Variants in PRKG1 observed in about 807,000 individuals in gnomAD.
PRKG1 encodes the protein cGMP-dependent protein kinase 1.
PRKG1 carries 35 observed loss-of-function variants against 88.1 expected under a neutral mutation model. The observed-to-expected ratio is 0.40, with a 90% CI of 0.30 to 0.53. The LOEUF is 0.53. Ranked by LOEUF, PRKG1 falls within the 20% of genes least tolerant of loss-of-function variation. The pLI, the probability that PRKG1 is intolerant of heterozygous loss-of-function variation, is 0.59. For missense variants in PRKG1, 540 were observed against 839.8 expected (o/e 0.64, Z 4.41); for synonymous variants, 303 against 292.5 (o/e 1.04, Z -0.37).
chr10:51,304,569 C>G (rs995706698), intron 2 of PRKG1, among the ~76,000 whole-genome samples: 1 of 151,286 alleles, frequency 6.6e-6, no homozygotes, highest in Admixed American at 6.6e-5. Flanking sequence ...TGCCATGCTG[C>G]TGTGCTGTAC....
At chr10:51,284,872 T>TA (rs1840396450) in intron 2 of PRKG1, among the ~76,000 whole-genome samples, 3 of 145,578 alleles carry the variant, frequency 2.1e-5, no homozygotes, top group Non-Finnish European at 3.1e-5. Context: ...GTACTTTTTT[T>TA]TTTTTTTTTT....
At chr10:51,430,083 A>G (rs2132723614) in intron 2 of PRKG1, among the ~76,000 whole-genome samples, 1 of 151,652 alleles carries the variant, frequency 6.6e-6, no homozygotes, top group African/African-American at 2.4e-5. Context: ...TAAACAAATT[A>G]TTGAAAGCCA....
intron 1 of PRKG1, among the ~76,000 whole-genome samples, chr10:51,111,588 C>G (rs1427507538): frequency 6.6e-6 from 1 of 152,090 alleles, no homozygotes; most frequent in East Asian, 1.9e-4. Context: ...TGAGTTGATA[C>G]TGAATGGTGG....
rs138128488 is a variant in PRKG1 at position 52,064,265 on chromosome 10, G to A, written c.935+1634G>A. ...CCCAGAGGGGGGTGAGTTGTCAGGG[G>A]ACTGGCATGCCAGCACTGCCCTGAG... On this transcript the variant is annotated intron_variant, in intron 7 of 17. Coordinates refer to ENST00000373980, the MANE Select transcript of PRKG1 (RefSeq NM_006258.4). Among the ~76,000 whole-genome samples the A allele has an allele frequency of 2.6e-4, 39 of 152,328 alleles. No individual in the cohort carries two copies. The East Asian group carries it at 7.5e-3, about 29-fold the overall frequency.
chr10:51,615,228 A>T (rs189226877), intron 3 of PRKG1, among the ~76,000 whole-genome samples: 1 of 152,006 alleles, frequency 6.6e-6, no homozygotes, highest in Non-Finnish European at 1.5e-5. Flanking sequence ...TAAGGCATTG[A>T]TGCTTTACTC....
intron 1 of PRKG1, among the ~76,000 whole-genome samples, chr10:51,025,960 G>A (rs1026794781): frequency 6.6e-6 from 1 of 152,146 alleles, no homozygotes; most frequent in Admixed American, 6.6e-5. Context: ...GCTGGAGTAG[G>A]ATGGGCCCCT....
At chr10:51,256,687 A>T (rs750403964) in intron 2 of PRKG1, among the ~76,000 whole-genome samples, 20 of 152,144 alleles carry the variant, frequency 1.3e-4, no homozygotes, top group Non-Finnish European at 2.4e-4. Flanking sequence ...ATCCAGGAAG[A>T]TGCACTAAGA....
At chr10:51,085,073 A>G (rs1376024376) in intron 1 of PRKG1, among the ~76,000 whole-genome samples, 2 of 152,206 alleles carry the variant, frequency 1.3e-5, no homozygotes, top group East Asian at 3.8e-4. Context: ...GCCAGGACAA[A>G]AAAGAAAAAT....
At chr10:52,237,066 C>A (rs1467467982) in intron 9 of PRKG1, among the ~76,000 whole-genome samples, 1 of 51,798 alleles carries the variant, frequency 1.9e-5, no homozygotes, top group African/African-American at 4.4e-5. Flanking sequence ...AAGACAAAAA[C>A]CACATGATTA....
chr10:51,479,994 A>G (rs558506043), intron 3 of PRKG1, among the ~76,000 whole-genome samples: 134 of 143,770 alleles, frequency 9.3e-4, no homozygotes, highest in African/African-American at 3.1e-3. Flanking sequence ...ATTGCTCAGC[A>G]GAGCCATCTC....
At chr10:51,443,974 T>G (rs1236750718) in intron 2 of PRKG1, among the ~76,000 whole-genome samples, 1 of 151,824 alleles carries the variant, frequency 6.6e-6, no homozygotes, top group African/African-American at 2.4e-5. Flanking sequence ...TATCTGAAAA[T>G]AGACATAATG....
intron 2 of PRKG1, among the ~76,000 whole-genome samples, chr10:51,457,529 C>T (rs12765290): frequency 0.19 from 28,456 of 152,084 alleles, 3,169 homozygotes; most frequent in East Asian, 0.54. Flanking sequence ...CACTGAAGAA[C>T]TTATCCATGT....
At chr10:51,254,598 T>A in intron 2 of PRKG1, among the ~76,000 whole-genome samples, 1 of 152,082 alleles carries the variant, frequency 6.6e-6, no homozygotes, top group East Asian at 1.9e-4. Context: ...ATTAATTAAT[T>A]CCTTGCTTTT....
intron 2 of PRKG1, among the ~76,000 whole-genome samples, chr10:51,294,950 G>T (rs908262293): frequency 2.0e-5 from 3 of 152,046 alleles, no homozygotes; most frequent in African/African-American, 7.2e-5. Context: ...GGGTATGGTG[G>T]CACTTGCCTG....
At chr10:51,069,342 A>G (rs1242488886) in intron 1 of PRKG1, among the ~76,000 whole-genome samples, 2 of 152,010 alleles carry the variant, frequency 1.3e-5, no homozygotes, top group Non-Finnish European at 2.9e-5. Flanking sequence ...ATGTAAATAT[A>G]TATTCCTTAT....
At chr10:52,282,670 T>C (rs1415831566) in intron 14 of PRKG1, among the ~76,000 whole-genome samples, 1 of 152,104 alleles carries the variant, frequency 6.6e-6, no homozygotes, top group Non-Finnish European at 1.5e-5. Context: ...CAATTTTCTA[T>C]AGAAGTAAGA....
Position 51,902,170 on chromosome 10 carries a change from A to G in PRKG1, c.699-5337A>G, listed in dbSNP as rs1424745243. ...GCTCTCGTTGCCCAGGCTGGAGAGT[A>G]CAGTGGTGTGATCTCAGCTCACCGC... On this transcript the variant is annotated intron_variant, in intron 4 of 17. Transcript: ENST00000373980. 4.6e-5 allele frequency among the ~76,000 whole-genome samples: 7 copies of G among 152,228 alleles called. No homozygotes were observed. In the East Asian group the frequency reaches 1.4e-3, roughly 29 times the overall value.
intron 3 of PRKG1, among the ~76,000 whole-genome samples, chr10:51,690,926 C>CAAAAAAAA (rs942329676): frequency 2.7e-5 from 1 of 37,724 alleles, no homozygotes; most frequent in Non-Finnish European, 5.6e-5. Flanking sequence ...GACTCTGTCT[C>CAAAAAAAA]AAAAAAAAAA....
At chr10:51,909,071 C>T (rs1320605035) in intron 5 of PRKG1, 1 of 152,114 alleles carries the variant, frequency 6.6e-6, no homozygotes, top group African/African-American at 2.4e-5. Context: ...AAAGCTTTAC[C>T]ATTGCAGTAA....
Sources: allele counts gnomAD v4.1 joint callset (sites outside exome capture counted in the v4.1 genomes callset), GRCh38; gene constraint gnomAD v4.1.1; transcripts MANE v1.5; gene names NCBI Gene and HGNC (gene_info 2026-07-23, HGNC 2026-07-21).